The following WDR7 variants were observed in gnomAD, a reference collection of about 807,000 sequenced individuals.
WDR7 encodes the protein WD repeat-containing protein 7.
In WDR7, 46 loss-of-function variants were observed where a neutral mutation model predicts 169.4. The observed-to-expected ratio is 0.27, with a 90% CI of 0.21 to 0.35. The LOEUF is 0.35. Ranked by LOEUF, WDR7 falls within the 10% of genes least tolerant of loss-of-function variation. The probability of loss-of-function intolerance (pLI) is 1.00; values close to 1 mark genes in which losing one functional copy is unlikely to be tolerated. For missense variants in WDR7, 1,534 were observed against 1,859.3 expected (o/e 0.83, Z 3.22); for synonymous variants, 612 against 666.8 (o/e 0.92, Z 1.27).
intron 20 of WDR7, among the ~76,000 whole-genome samples, chr18:56,870,311 CTA>C (rs1390830613): frequency 6.6e-6 from 1 of 151,846 alleles, no homozygotes; most frequent in Non-Finnish European, 1.5e-5. Context: ...TTAAGCAACC[CTA>C]AGAATAACAA....
downstream of WDR7, chr18:57,033,094 C>T (rs2145969451): frequency 6.6e-6 from 1 of 151,908 alleles, no homozygotes; most frequent in Admixed American, 6.6e-5. Flanking sequence ...TAGAATATGC[C>T]AAGCGTATGT....
At chr18:56,667,588 G>C (rs2025050976) in intron 1 of WDR7, among the ~76,000 whole-genome samples, 1 of 151,994 alleles carries the variant, frequency 6.6e-6, no homozygotes, top group South Asian at 2.1e-4. Context: ...TTCCATGATG[G>C]AATCTAAATT....
chr18:56,942,484 A>G (rs2047047536), intron 25 of WDR7, among the ~76,000 whole-genome samples: 1 of 152,156 alleles, frequency 6.6e-6, no homozygotes, highest in South Asian at 2.1e-4. Flanking sequence ...ATAAAGAAAA[A>G]CAGTAAGAAA....
At chr18:56,720,751 A>C (rs1257654022) in intron 13 of WDR7, among the ~76,000 whole-genome samples, 1 of 152,166 alleles carries the variant, frequency 6.6e-6, no homozygotes, top group East Asian at 1.9e-4. Context: ...GGGGTACTGG[A>C]AGAGGTTATT....
At chr18:57,001,852 A>G (rs942895332) in intron 26 of WDR7, among the ~76,000 whole-genome samples, 3 of 152,144 alleles carry the variant, frequency 2.0e-5, no homozygotes, top group African/African-American at 4.8e-5. Flanking sequence ...CCTAACCTGT[A>G]TTTCAATCTG....
At position 56,672,566 on chromosome 18, in the gene WDR7, G is replaced by A. The variant is rs749728680; in HGVS notation, c.51G>A (p.Ala17=). The A allele has an allele frequency of 1.2e-5, 20 of 1,612,490 alleles. No homozygotes were observed. The highest frequency in any genetic ancestry group is 1.6e-4 in the Middle Eastern group (1 of 6,080). The change falls in exon 2 of 28, where the codon GCG becomes GCA. Residue 17 remains alanine, a synonymous_variant. Coordinates refer to ENST00000254442, the MANE Select transcript of WDR7 (RefSeq NM_015285.3). The part of the protein sequence containing the change: ...VLPIVLWGRK[A]PTHCISAVLL... Reference sequence around the variant, plus strand: ...CCATTGTTCTTTGGGGTCGAAAAGCGCCCACACATTGCATCTCAGCCGTAC... The same window carrying A: ...CCATTGTTCTTTGGGGTCGAAAAGCACCCACACATTGCATCTCAGCCGTAC...
At chr18:56,880,308 C>A in intron 21 of WDR7, 143 bp downstream of exon 21, 1 of 748,310 alleles carries the variant, frequency 1.3e-6, no homozygotes. Flanking sequence ...CAATCTGGCA[C>A]ATTTCCCGTT....
intron 13 of WDR7, among the ~76,000 whole-genome samples, chr18:56,718,486 G>A (rs2026243837): frequency 1.3e-5 from 2 of 152,132 alleles, no homozygotes; most frequent in South Asian, 4.1e-4. Context: ...GTTTACATAC[G>A]GTGAAAAAGA....
the WDR7 span, chr18:57,035,722 G>C: frequency 6.6e-6 from 1 of 152,308 alleles, no homozygotes; most frequent in Non-Finnish European, 1.5e-5. Context: ...CAGACCTGGT[G>C]GGTGCAATCA....
At chr18:56,966,194 T>C (rs1385734846) in intron 26 of WDR7, among the ~76,000 whole-genome samples, 1 of 152,106 alleles carries the variant, frequency 6.6e-6, no homozygotes, top group Non-Finnish European at 1.5e-5. Flanking sequence ...GGTCAGTGCA[T>C]GGAAAATTGC....
intron 26 of WDR7, among the ~76,000 whole-genome samples, chr18:56,969,764 C>G (rs188652652): frequency 6.6e-6 from 1 of 152,302 alleles, no homozygotes; most frequent in East Asian, 1.9e-4. Flanking sequence ...CCCTCTCAGG[C>G]TCTTTATTTG....
chr18:56,805,035 C>A (rs2044746754), intron 19 of WDR7, among the ~76,000 whole-genome samples: 1 of 152,146 alleles, frequency 6.6e-6, no homozygotes, highest in African/African-American at 2.4e-5. Flanking sequence ...TCTGCCAACA[C>A]TGAGGGCAGA....
chr18:56,841,101 G>A (rs1009769630), intron 20 of WDR7, among the ~76,000 whole-genome samples: 1 of 152,114 alleles, frequency 6.6e-6, no homozygotes, highest in Non-Finnish European at 1.5e-5. Flanking sequence ...GCTGAGGCAT[G>A]AGAATCACTT....
intron 12 of WDR7, among the ~76,000 whole-genome samples, chr18:56,703,776 TA>T (rs2025887325): frequency 6.6e-6 from 1 of 152,250 alleles, no homozygotes; most frequent in East Asian, 1.9e-4. Flanking sequence ...AATTCATTTT[TA>T]TTGGACATTT....
chr18:56,726,843 A>G lies in WDR7; in HGVS notation c.1775-4540A>G, dbSNP rs1027780233. On this transcript the variant is annotated intron_variant, in intron 13 of 27. Transcript: ENST00000254442. ...TCCATTCTGGCTGGTCAGAGTAGGT[A>G]CTATTCACAATCCTGTCTGAGTCCT... 3.9e-5 allele frequency among the ~76,000 whole-genome samples: 6 copies of G among 152,254 alleles called. No homozygotes were observed. In the South Asian group the frequency reaches 8.3e-4, roughly 21 times the overall value.
intron 19 of WDR7, among the ~76,000 whole-genome samples, chr18:56,797,994 A>G (rs1004538283): frequency 1.3e-5 from 2 of 152,108 alleles, no homozygotes; most frequent in Non-Finnish European, 2.9e-5. Context: ...CACTTTTATT[A>G]CATATATGTC....
At chr18:56,867,243 C>G (rs1170826933) in intron 20 of WDR7, among the ~76,000 whole-genome samples, 1 of 151,840 alleles carries the variant, frequency 6.6e-6, no homozygotes, top group Non-Finnish European at 1.5e-5. Flanking sequence ...CACCATGTTG[C>G]CTAGGCTGGT....
At chr18:56,916,712 G>A (rs941312285) in intron 21 of WDR7, among the ~76,000 whole-genome samples, 4 of 152,118 alleles carry the variant, frequency 2.6e-5, no homozygotes, top group African/African-American at 9.7e-5. Context: ...GGCACCTCTG[G>A]TATTGTATTA....
rs941099145 is a variant in WDR7 at position 56,701,281 on chromosome 18, A to G, written c.1578+4819A>G. 2.6e-5 allele frequency among the ~76,000 whole-genome samples: 4 copies of G among 152,162 alleles called. No individual in the cohort carries two copies. The East Asian group carries it at 7.7e-4, about 29-fold the overall frequency. On this transcript the variant is annotated intron_variant, in intron 12 of 27. Transcript: ENST00000254442. ...ACCTGAGAGGTTTGACTAACTACAT[A>G]TTGACTTCTTGAGAGGTGTTGGAAT...
Sources: gnomAD v4.1 joint callset for allele counts (sites outside exome capture counted in the v4.1 genomes callset) on GRCh38, gnomAD v4.1.1 for gene constraint, MANE v1.5 for transcripts, NCBI Gene and HGNC (gene_info 2026-07-23, HGNC 2026-07-21) for gene names.